The following ABI3BP variants were observed in gnomAD, a reference collection of about 807,000 sequenced individuals.
ABI3BP encodes target of Nesh-SH3.
ABI3BP carries 216 observed loss-of-function variants against 268.6 expected under a neutral mutation model. The ratio of observed to expected loss-of-function variants is 0.80; its 90% CI spans 0.72 to 0.90. The LOEUF is 0.90. Ranked by LOEUF, ABI3BP falls within the 40% of genes least tolerant of loss-of-function variation. The probability of loss-of-function intolerance (pLI) is 0.00; values close to 1 mark genes in which losing one functional copy is unlikely to be tolerated. For synonymous variants in ABI3BP, 730 were observed against 730.0 expected (o/e 1.00, Z 0.00); for missense variants, 2,090 against 2,182.4 (o/e 0.96, Z 0.84).
At chr3:100,819,079 A>G (rs1433877574) in intron 40 of ABI3BP, among the ~76,000 whole-genome samples, 3 of 152,246 alleles carry the variant, frequency 2.0e-5, no homozygotes, top group Admixed American at 2.0e-4. Flanking sequence ...ACAAACATGC[A>G]GAGTAGCTCT....
At chr3:100,801,589 A>G (rs2097539241) in intron 51 of ABI3BP, among the ~76,000 whole-genome samples, 1 of 152,180 alleles carries the variant, frequency 6.6e-6, no homozygotes, top group Non-Finnish European at 1.5e-5. Context: ...TTAATATATC[A>G]TCAGGCAAAT....
At chr3:100,874,092 A>G (rs955947394) in intron 9 of ABI3BP, among the ~76,000 whole-genome samples, 11 of 152,154 alleles carry the variant, frequency 7.2e-5, no homozygotes, top group Non-Finnish European at 1.6e-4. Flanking sequence ...TGTGGTTCCT[A>G]GACCAGCAGT....
intron 51 of ABI3BP, among the ~76,000 whole-genome samples, chr3:100,801,319 T>C (rs2097528020): frequency 6.6e-6 from 1 of 150,894 alleles, no homozygotes; most frequent in Non-Finnish European, 1.5e-5. Flanking sequence ...TCCCAGCTAC[T>C]TGGGAGGCTG....
rs548044529 is a variant in ABI3BP at position 100,895,113 on chromosome 3, A to C, written c.461+3649T>G. Among the ~76,000 whole-genome samples the C allele has an allele frequency of 5.3e-5, 8 of 152,128 alleles. No homozygotes were observed. The South Asian group carries it at 1.7e-3, about 32-fold the overall frequency. ...AAGTTGGAAACATGAGAAAGAAAAA[A>C]TAAGCTATTAATGGTGAAATAAATT... On this transcript the variant is annotated intron_variant, in intron 4 of 67. Coordinates refer to ENST00000471714, the MANE Select transcript of ABI3BP (RefSeq NM_001375547.2).
At chr3:100,904,087 A>G (rs902724875) in intron 2 of ABI3BP, among the ~76,000 whole-genome samples, 10 of 152,204 alleles carry the variant, frequency 6.6e-5, no homozygotes, top group African/African-American at 2.4e-4. Flanking sequence ...ACTACCATGT[A>G]CTGAACGCTT....
intron 2 of ABI3BP, among the ~76,000 whole-genome samples, chr3:100,917,120 C>T (rs2058834414): frequency 6.6e-6 from 1 of 152,148 alleles, no homozygotes; most frequent in Non-Finnish European, 1.5e-5. Context: ...CCCTAGCAAA[C>T]TCTGGGTAGT....
At chr3:100,835,081 C>T (rs1411711859) in intron 28 of ABI3BP, among the ~76,000 whole-genome samples, 1 of 152,188 alleles carries the variant, frequency 6.6e-6, no homozygotes, top group Admixed American at 6.5e-5. Flanking sequence ...GACATCACAT[C>T]AGAGAGGGAC....
At chr3:100,814,430 C>T (rs2097953847) in intron 44 of ABI3BP, among the ~76,000 whole-genome samples, 1 of 152,050 alleles carries the variant, frequency 6.6e-6, no homozygotes, top group Non-Finnish European at 1.5e-5. Flanking sequence ...TTTATTTGTG[C>T]TGTTCCCACC....
chr3:100,881,743 A>T (rs1443437420), intron 6 of ABI3BP, among the ~76,000 whole-genome samples: 1 of 151,580 alleles, frequency 6.6e-6, no homozygotes, highest in Non-Finnish European at 1.5e-5. Context: ...ATCTCAAGTG[A>T]TTTATTTTAT....
chr3:100,886,057 A>T, intron 5 of ABI3BP, 85 bp downstream of exon 5: 1 of 1,040,534 alleles, frequency 9.6e-7, no homozygotes, highest in Non-Finnish European at 1.3e-6. Flanking sequence ...ATTTCATATT[A>T]TACAATGAAT....
chr3:100,931,574 G>C (rs984284389), intron 1 of ABI3BP, among the ~76,000 whole-genome samples: 6 of 151,724 alleles, frequency 4.0e-5, no homozygotes, highest in African/African-American at 1.5e-4. Context: ...CAAACGAAGG[G>C]CCAAATCAAG....
intron 63 of ABI3BP, among the ~76,000 whole-genome samples, chr3:100,764,494 A>G (rs1049854090): frequency 6.6e-6 from 1 of 152,272 alleles, no homozygotes; most frequent in African/African-American, 2.4e-5. Context: ...ACTGTATTCA[A>G]CATTCAGATC....
At chr3:100,985,893 G>GA (rs376945134) in intron 1 of ABI3BP, among the ~76,000 whole-genome samples, 1 of 152,334 alleles carries the variant, frequency 6.6e-6, no homozygotes, top group African/African-American at 2.4e-5. Flanking sequence ...TCTGGAGTTA[G>GA]ATTTCCCATA....
At chr3:100,765,514 T>C (rs1050022582) in intron 63 of ABI3BP, among the ~76,000 whole-genome samples, 1 of 152,228 alleles carries the variant, frequency 6.6e-6, no homozygotes, top group African/African-American at 2.4e-5. Flanking sequence ...TCCCATGTAG[T>C]TTACATTATG....
At chr3:100,977,542 C>T (rs181642216) in intron 1 of ABI3BP, among the ~76,000 whole-genome samples, 1 of 152,302 alleles carries the variant, frequency 6.6e-6, no homozygotes, top group East Asian at 1.9e-4. Context: ...AGCCCTTCAC[C>T]TTGTGGACCT....
At chr3:100,877,852 G>A (rs2099177746) in intron 6 of ABI3BP, among the ~76,000 whole-genome samples, 1 of 152,128 alleles carries the variant, frequency 6.6e-6, no homozygotes, top group Non-Finnish European at 1.5e-5. Context: ...CCTTACAAGG[G>A]CAAACACCTG....
At position 100,900,642 on chromosome 3, in the gene ABI3BP, G is replaced by T. The variant is rs947398825; in HGVS notation, c.329-1748C>A. On this transcript the variant is annotated intron_variant, in intron 3 of 67. Coordinates refer to ENST00000471714, the MANE Select transcript of ABI3BP (RefSeq NM_001375547.2). ...ATGACCAAATAACTATTTCACTAAG[G>T]TTGAATCTTAATATAAAAATAATTA... Among the ~76,000 whole-genome samples, 3 of 152,202 alleles carry T rather than the reference G, an allele frequency of 2.0e-5. No homozygotes were observed. In the South Asian group the frequency reaches 6.2e-4, roughly 32 times the overall value.
At chr3:100,758,130 C>T (rs1023576428) in intron 63 of ABI3BP, among the ~76,000 whole-genome samples, 18 of 151,952 alleles carry the variant, frequency 1.2e-4, no homozygotes, top group African/African-American at 3.4e-4. Flanking sequence ...CAATCTTCCC[C>T]GCGCATCCCC....
intron 32 of ABI3BP, among the ~76,000 whole-genome samples, chr3:100,830,110 C>CATATATATATATATAT (rs559297681): frequency 2.5e-4 from 11 of 44,758 alleles, no homozygotes; most frequent in Non-Finnish European, 3.9e-4. Flanking sequence ...TACATACATA[C>CATATATATATATATAT]ATATATATAT....
Sources: allele counts gnomAD v4.1 joint callset (sites outside exome capture counted in the v4.1 genomes callset), GRCh38; gene constraint gnomAD v4.1.1; transcripts MANE v1.5; gene names NCBI Gene and HGNC (gene_info 2026-07-23, HGNC 2026-07-21).